Variants in DDX10 observed in about 807,000 individuals in gnomAD.
The protein encoded by DDX10 is probable ATP-dependent RNA helicase DDX10.
A neutral mutation model predicts 104.3 loss-of-function variants in DDX10; 74 were observed. The observed-to-expected ratio is 0.71, with a 90% CI of 0.59 to 0.86. The LOEUF (loss-of-function observed/expected upper bound fraction) is 0.86, where lower values mean the gene tolerates loss of function less well. Ranked by LOEUF, DDX10 falls within the 40% of genes least tolerant of loss-of-function variation. The probability of loss-of-function intolerance (pLI) is 0.00; values close to 1 mark genes in which losing one functional copy is unlikely to be tolerated. For synonymous variants in DDX10, 351 were observed against 353.4 expected, an observed-to-expected ratio of 0.99 and a Z score of 0.08; for missense variants, 952 against 1,040.0, an observed-to-expected ratio of 0.92 and a Z score of 1.16.
At chr11:108,693,216 C>T (rs7106231) in intron 8 of DDX10, among the ~76,000 whole-genome samples, 4 of 152,122 alleles carry the variant, frequency 2.6e-5, no homozygotes, top group African/African-American at 4.8e-5. Flanking sequence ...GTGGTGCTTT[C>T]GGGTTATTAA....
intron 13 of DDX10, among the ~76,000 whole-genome samples, chr11:108,724,414 G>GAA (rs900564111): frequency 1.3e-5 from 2 of 151,652 alleles, no homozygotes; most frequent in Non-Finnish European, 2.9e-5. Context: ...ACAGGTGACG[G>GAA]AAAAAAAATA....
chr11:108,896,968 ATTAAGCTGAC>A (rs1863450234), intron 16 of DDX10, among the ~76,000 whole-genome samples: 1 of 152,016 alleles, frequency 6.6e-6, no homozygotes, highest in South Asian at 2.1e-4. Context: ...TCAGCTTTTA[ATTAAGCTGAC>A]TTTTGACCAT....
At chr11:108,720,926 A>G (rs1365857634) in intron 12 of DDX10, among the ~76,000 whole-genome samples, 3 of 146,996 alleles carry the variant, frequency 2.0e-5, no homozygotes, top group African/African-American at 5.0e-5. Flanking sequence ...CTTTTGACCT[A>G]TAAAGAAGGA....
intron 13 of DDX10, among the ~76,000 whole-genome samples, chr11:108,812,711 G>T (rs1207137980): frequency 2.0e-5 from 3 of 152,072 alleles, no homozygotes; most frequent in African/African-American, 4.8e-5. Flanking sequence ...GCTGGCTGCG[G>T]TGGCTCATGC....
intron 13 of DDX10, among the ~76,000 whole-genome samples, chr11:108,810,143 G>A (rs377508023): frequency 6.6e-6 from 1 of 152,148 alleles, no homozygotes; most frequent in African/African-American, 2.4e-5. Flanking sequence ...TTCACTACAA[G>A]TATAATATAA....
chr11:108,917,276 A>G (rs538431628), intron 16 of DDX10, among the ~76,000 whole-genome samples: 1 of 152,168 alleles, frequency 6.6e-6, no homozygotes. Flanking sequence ...TGGTCATAAA[A>G]TCAGACAAAT....
intron 16 of DDX10, among the ~76,000 whole-genome samples, chr11:108,858,190 C>A (rs1862895933): frequency 6.6e-6 from 1 of 151,834 alleles, no homozygotes; most frequent in South Asian, 2.1e-4. Context: ...TTGCTTTTTC[C>A]TCTGAACTGT....
chr11:108,818,787 A>C (rs1013237538), intron 13 of DDX10, among the ~76,000 whole-genome samples: 3 of 152,160 alleles, frequency 2.0e-5, no homozygotes, highest in African/African-American at 7.2e-5. Flanking sequence ...GATTGATTTT[A>C]TGTTCCAATG....
chr11:108,728,286 T>C (rs1298844076), intron 13 of DDX10, among the ~76,000 whole-genome samples: 1 of 152,096 alleles, frequency 6.6e-6, no homozygotes, highest in African/African-American at 2.4e-5. Flanking sequence ...GGTTGAGTGC[T>C]CTGTTCTTGA....
chr11:108,888,512 T>C (rs1390388547), intron 16 of DDX10, among the ~76,000 whole-genome samples: 1 of 152,216 alleles, frequency 6.6e-6, no homozygotes, highest in African/African-American at 2.4e-5. Context: ...TCAGATATAG[T>C]TGTTAATATT....
chr11:108,681,919 T>G (rs1235613185), intron 6 of DDX10, among the ~76,000 whole-genome samples: 4 of 152,234 alleles, frequency 2.6e-5, no homozygotes, highest in Non-Finnish European at 5.9e-5. Flanking sequence ...ATGTATGTGC[T>G]TATTTTCTGT....
intron 16 of DDX10, among the ~76,000 whole-genome samples, chr11:108,880,249 G>C (rs1349022567): frequency 1.3e-5 from 2 of 151,988 alleles, no homozygotes; most frequent in Non-Finnish European, 2.9e-5. Context: ...GGTGTAGAAT[G>C]ATACTGATCT....
chr11:108,903,142 C>G (rs1352567473), intron 16 of DDX10, among the ~76,000 whole-genome samples: 1 of 152,020 alleles, frequency 6.6e-6, no homozygotes, highest in Non-Finnish European at 1.5e-5. Context: ...GTTGTGCAAC[C>G]ACCAGCACCA....
chr11:108,851,557 C>A (rs890535886), intron 15 of DDX10, among the ~76,000 whole-genome samples: 13 of 150,508 alleles, frequency 8.6e-5, no homozygotes, highest in African/African-American at 3.3e-4. Flanking sequence ...ATCACTATTG[C>A]ATTAATTGGC....
intron 13 of DDX10, among the ~76,000 whole-genome samples, chr11:108,834,927 C>CAA (rs56174572): frequency 0.17 from 10,549 of 61,930 alleles, 1,900 homozygotes; most frequent in East Asian, 0.28. Flanking sequence ...GACTCCATCT[C>CAA]AAAAAAAAAA....
intron 13 of DDX10, among the ~76,000 whole-genome samples, chr11:108,795,868 T>A (rs1415198461): frequency 6.6e-6 from 1 of 152,202 alleles, no homozygotes; most frequent in Non-Finnish European, 1.5e-5. Context: ...AGTAATGGGA[T>A]GGCTGGGTCA....
intron 17 of DDX10, among the ~76,000 whole-genome samples, chr11:108,928,428 CTGAA>C (rs1863935534): frequency 6.6e-6 from 1 of 152,184 alleles, no homozygotes; most frequent in Non-Finnish European, 1.5e-5. Context: ...AACCGAGAGA[CTGAA>C]TGCCTTGCCC....
Position 108,730,500 on chromosome 11 carries a change from G to A in DDX10, c.1965+7038G>A, listed in dbSNP as rs77323428. On this transcript the variant is annotated intron_variant, in intron 13 of 17. Coordinates refer to ENST00000322536, the MANE Select transcript of DDX10 (RefSeq NM_004398.4). ...CTAGTGCAAATTTCACAAATATTTT[G>A]TGAATGAGGGAGTGAATTAACTGAA... 1.4e-3 allele frequency among the ~76,000 whole-genome samples: 207 copies of A among 152,308 alleles called. 2 individuals carry two copies. In the East Asian group the frequency reaches 0.033, roughly 25 times the overall value.
At chr11:108,792,117 GTTGT>G (rs1861879394) in intron 13 of DDX10, among the ~76,000 whole-genome samples, 1 of 152,180 alleles carries the variant, frequency 6.6e-6, no homozygotes, top group South Asian at 2.1e-4. Context: ...TTAAAAATGG[GTTGT>G]TTATCTTTCT....
Sources: allele counts gnomAD v4.1 joint callset (sites outside exome capture counted in the v4.1 genomes callset), GRCh38; gene constraint gnomAD v4.1.1; transcripts MANE v1.5; gene names NCBI Gene and HGNC (gene_info 2026-07-23, HGNC 2026-07-21).